ATP8A2: variants seen among roughly 807,000 people sequenced by gnomAD.
ATP8A2 encodes the protein ATPase phospholipid transporting 8A2, also known as phospholipid-transporting ATPase IB.
ATP8A2 carries 100 observed loss-of-function variants against 165.6 expected under a neutral mutation model. The ratio of observed to expected loss-of-function variants is 0.60; its 90% CI spans 0.51 to 0.71. The LOEUF (loss-of-function observed/expected upper bound fraction) is 0.71. Among genes scored for constraint, ATP8A2 ranks in the 30% least tolerant of loss-of-function variants. The pLI is 0.00. For missense variants in ATP8A2, 1,227 were observed against 1,479.5 expected (o/e 0.83, Z 2.80); for synonymous variants, 543 against 548.8 (o/e 0.99, Z 0.15).
At chr13:25,636,208 A>C (rs1348582056) in intron 24 of ATP8A2, among the ~76,000 whole-genome samples, 1 of 152,180 alleles carries the variant, frequency 6.6e-6, no homozygotes, top group Non-Finnish European at 1.5e-5. Context: ...CAAACAACTT[A>C]GTGTCAAATA....
chr13:25,465,671 CTTTCTTT>C (rs2035618675), intron 1 of ATP8A2, among the ~76,000 whole-genome samples: 1 of 7,250 alleles, frequency 1.4e-4, no homozygotes, highest in African/African-American at 3.4e-4. Context: ...AGTTTTCTTT[CTTTCTTT>C]CTTTCTTTCT....
chr13:25,905,324 T>G (rs534760997), intron 33 of ATP8A2, among the ~76,000 whole-genome samples: 8 of 152,166 alleles, frequency 5.3e-5, no homozygotes, highest in Non-Finnish European at 1.0e-4. Context: ...GTTTTTCTCT[T>G]CCTCTCCGAA....
At chr13:25,682,134 T>C (rs1456229077) in intron 24 of ATP8A2, among the ~76,000 whole-genome samples, 1 of 152,196 alleles carries the variant, frequency 6.6e-6, no homozygotes, top group East Asian at 1.9e-4. Flanking sequence ...GTGATCACCA[T>C]TCTCTGTAAT....
At chr13:25,745,631 G>A (rs2044015180) in intron 25 of ATP8A2, among the ~76,000 whole-genome samples, 1 of 152,116 alleles carries the variant, frequency 6.6e-6, no homozygotes, top group South Asian at 2.1e-4. Flanking sequence ...GGATGGGCTG[G>A]AGTGTTTACA....
rs1007894893 is a variant in ATP8A2 at position 25,786,757 on chromosome 13, T to A, written c.2679+11798T>A. Among the ~76,000 whole-genome samples, 40 of 149,834 alleles carry A rather than the reference T, an allele frequency of 2.7e-4. 1 individual carries two copies. Among genetic ancestry groups the A allele is most frequent in the African/African-American group, 4.9e-4 (20 of 41,110 alleles). ...CCTTTTTAATGCACAATTCTATGTT[T>A]TTTTTTTTTTTTTTTTGAGACAGAG... On this transcript the variant is annotated intron_variant, in intron 27 of 36. Transcript: ENST00000381655.
chr13:25,984,151 C>A (rs555208981), intron 35 of ATP8A2, among the ~76,000 whole-genome samples: 1 of 151,722 alleles, frequency 6.6e-6, no homozygotes, highest in Non-Finnish European at 1.5e-5. Context: ...GCATGGGGAT[C>A]GTTTGAGCCC....
chr13:25,659,418 TTGTC>T (rs982788016), intron 24 of ATP8A2, among the ~76,000 whole-genome samples: 6 of 152,148 alleles, frequency 3.9e-5, no homozygotes, highest in African/African-American at 1.4e-4. Context: ...CTTTCAATGG[TTGTC>T]TGTCTGAGCT....
intron 35 of ATP8A2, among the ~76,000 whole-genome samples, chr13:25,977,472 T>C (rs920991058): frequency 3.9e-5 from 6 of 152,134 alleles, no homozygotes; most frequent in African/African-American, 1.4e-4. Context: ...GGGCTTCTGG[T>C]GACTGTTTGC....
intron 35 of ATP8A2, among the ~76,000 whole-genome samples, chr13:25,997,850 T>G (rs1956545585): frequency 6.6e-6 from 1 of 152,208 alleles, no homozygotes; most frequent in Admixed American, 6.5e-5. Flanking sequence ...AATTACTTAT[T>G]GAAACATTTT....
chr13:25,413,853 C>CT (rs1284445940), intron 1 of ATP8A2, among the ~76,000 whole-genome samples: 1 of 152,098 alleles, frequency 6.6e-6, no homozygotes, highest in Non-Finnish European at 1.5e-5. Flanking sequence ...CTATTTTATT[C>CT]TTTAACAATC....
rs1268400812 is a variant in ATP8A2 at position 25,758,002 on chromosome 13, C to G, written c.2385-11044C>G. On this transcript the variant is annotated intron_variant, in intron 25 of 36. Transcript: ENST00000381655. Reference sequence around the variant, plus strand: ...CCCACCCATGAAGCCACCACAATGCCATACTTGATGTTTAGGTTGCCGCTG... The same window carrying G: ...CCCACCCATGAAGCCACCACAATGCGATACTTGATGTTTAGGTTGCCGCTG... Among the ~76,000 whole-genome samples the G allele has an allele frequency of 2.0e-5, 3 of 152,168 alleles. No homozygotes were observed. In the South Asian group the frequency reaches 6.2e-4, roughly 32 times the overall value.
intron 36 of ATP8A2, among the ~76,000 whole-genome samples, chr13:26,013,065 C>G (rs1346055064): frequency 6.6e-6 from 1 of 151,738 alleles, no homozygotes; most frequent in Non-Finnish European, 1.5e-5. Context: ...CCCCCTGCCA[C>G]CCCCGCCCCC....
chr13:25,488,422 A>C (rs1167340324), intron 2 of ATP8A2, among the ~76,000 whole-genome samples: 1 of 152,114 alleles, frequency 6.6e-6, no homozygotes, highest in African/African-American at 2.4e-5. Context: ...TTGCTCGTTG[A>C]TATAGTAATT....
At chr13:25,552,632 T>C (rs553627782) in intron 11 of ATP8A2, among the ~76,000 whole-genome samples, 1 of 152,348 alleles carries the variant, frequency 6.6e-6, no homozygotes, top group East Asian at 1.9e-4. Flanking sequence ...TATTTGTAAT[T>C]GTCAGGTAGA....
chr13:25,603,779 T>A (rs1200314256), intron 24 of ATP8A2, among the ~76,000 whole-genome samples: 20 of 152,136 alleles, frequency 1.3e-4, no homozygotes, highest in Non-Finnish European at 5.9e-5. Context: ...CAGGTTGCCA[T>A]TTCTGAGAAG....
intron 2 of ATP8A2, among the ~76,000 whole-genome samples, chr13:25,480,116 G>T (rs536125942): frequency 6.7e-6 from 1 of 149,758 alleles, no homozygotes; most frequent in Non-Finnish European, 1.5e-5. Flanking sequence ...TGGCCGGGCG[G>T]GGGGCTGACC....
At chr13:25,429,456 A>G (rs2034544222) in intron 1 of ATP8A2, among the ~76,000 whole-genome samples, 1 of 151,554 alleles carries the variant, frequency 6.6e-6, no homozygotes, top group African/African-American at 2.4e-5. Context: ...TGGGGGATTC[A>G]CCCCATTCTC....
chr13:26,016,072 G>C (rs1470132389), intron 36 of ATP8A2, among the ~76,000 whole-genome samples: 1 of 152,144 alleles, frequency 6.6e-6, no homozygotes, highest in Admixed American at 6.5e-5. Context: ...TTTCTAAGAG[G>C]AAAATGTTTA....
chr13:25,578,495 G>C (rs1181883178), intron 20 of ATP8A2, among the ~76,000 whole-genome samples: 1 of 152,198 alleles, frequency 6.6e-6, no homozygotes, highest in Non-Finnish European at 1.5e-5. Context: ...GCAAACGCCT[G>C]ATAAACTTTG....
Sources: gnomAD v4.1 joint callset for allele counts (sites outside exome capture counted in the v4.1 genomes callset) on GRCh38, gnomAD v4.1.1 for gene constraint, MANE v1.5 for transcripts, NCBI Gene and HGNC (gene_info 2026-07-23, HGNC 2026-07-21) for gene names.